Variants in PRICKLE1 observed in about 807,000 individuals in gnomAD.
The protein encoded by PRICKLE1 is prickle-like protein 1.
In PRICKLE1, 14 loss-of-function variants were observed where a neutral mutation model predicts 70.2. That is an observed-to-expected ratio of 0.20 (90% CI 0.13 to 0.31). The LOEUF (loss-of-function observed/expected upper bound fraction) is 0.31, where lower values mean the gene tolerates loss of function less well. Among genes scored for constraint, PRICKLE1 ranks in the 10% least tolerant of loss-of-function variants. The pLI, the probability that PRICKLE1 is intolerant of heterozygous loss-of-function variation, is 1.00. For synonymous variants in PRICKLE1, 357 were observed against 379.9 expected (o/e 0.94, Z 0.70); for missense variants, 821 against 1,026.2 (o/e 0.80, Z 2.73).
chr12:42,495,691 T>C (rs111415047), intron 1 of PRICKLE1, among the ~76,000 whole-genome samples: 8,081 of 151,902 alleles, frequency 0.053, 621 homozygotes, highest in African/African-American at 0.17. Flanking sequence ...CGGGTTCAAG[T>C]GATTATCCTG....
intron 1 of PRICKLE1, among the ~76,000 whole-genome samples, chr12:42,528,261 A>G (rs1176483773): frequency 1.3e-5 from 2 of 151,966 alleles, no homozygotes; most frequent in African/African-American, 2.4e-5. Flanking sequence ...TTTTGTAGAC[A>G]TGAGGTTTCA....
Position 42,459,094 on chromosome 12 carries a change from C to A in PRICKLE1, c.*715G>T, listed in dbSNP as rs147942021. The A allele has an allele frequency of 3.4e-4, 153 of 446,472 alleles. No individual in the cohort carries two copies. The highest frequency in any genetic ancestry group is 3.0e-3 in the African/African-American group (152 of 51,196). The allele number at this position is 446,472 out of a possible 1,614,324, so 27.7% of individuals were successfully genotyped here. On this transcript the variant is annotated 3_prime_UTR_variant, in exon 8 of 8. Coordinates refer to ENST00000345127, the MANE Select transcript of PRICKLE1 (RefSeq NM_153026.3). ...TCATCCATAAATTCTGGTTCCCTGGCAAATCTAGCACTGCAGCGTAACAAA... is the reference window on the plus strand; with the variant it reads ...TCATCCATAAATTCTGGTTCCCTGGAAAATCTAGCACTGCAGCGTAACAAA...
At chr12:42,499,748 G>T (rs1939273301) in intron 1 of PRICKLE1, among the ~76,000 whole-genome samples, 1 of 125,874 alleles carries the variant, frequency 7.9e-6, no homozygotes, top group Non-Finnish European at 1.6e-5. Flanking sequence ...ATTTATTTGA[G>T]ACAGAGTCTT....
intron 1 of PRICKLE1, among the ~76,000 whole-genome samples, chr12:42,564,113 G>C (rs1368674360): frequency 6.6e-6 from 1 of 151,640 alleles, no homozygotes; most frequent in Non-Finnish European, 1.5e-5. Context: ...AAAAAAATTA[G>C]CTGGTGTGGT....
chr12:42,574,009 G>A (rs1940764549), intron 1 of PRICKLE1, among the ~76,000 whole-genome samples: 1 of 152,108 alleles, frequency 6.6e-6, no homozygotes, highest in Non-Finnish European at 1.5e-5. Context: ...TTTTCAAGCT[G>A]TGTTCAAGGA....
intron 1 of PRICKLE1, among the ~76,000 whole-genome samples, chr12:42,495,166 C>T (rs1361324441): frequency 2.6e-5 from 4 of 151,476 alleles, no homozygotes; most frequent in East Asian, 3.9e-4. Context: ...TTCAAGAGTT[C>T]GAGAGCAGCC....
intron 1 of PRICKLE1, among the ~76,000 whole-genome samples, chr12:42,519,794 C>T (rs1180592138): frequency 6.6e-6 from 1 of 152,072 alleles, no homozygotes; most frequent in African/African-American, 2.4e-5. Flanking sequence ...AGAAATCTGA[C>T]CTGTGACTTT....
rs961927888 is a variant in PRICKLE1, at chr12:42,464,322, G to C, written c.1639+73C>G. The C allele has an allele frequency of 1.3e-6, 2 of 1,594,302 alleles. No homozygotes were observed. The highest frequency in any genetic ancestry group is 2.7e-5 in the African/African-American group (2 of 74,678). ...AGGCATGAGCCACTGCGCCTGGCTT[G>C]AATTGCAATTTTTTGAATACACTTT... On this transcript the variant is annotated intron_variant, in intron 7 of 7. Coordinates refer to ENST00000345127, the MANE Select transcript of PRICKLE1 (RefSeq NM_153026.3). This position sits in a 1 kb window ranked among gnomAD's most constrained non-coding sequence, Gnocchi z 4.2.
At chr12:42,555,327 C>A (rs1005018616) in intron 1 of PRICKLE1, among the ~76,000 whole-genome samples, 1 of 152,158 alleles carries the variant, frequency 6.6e-6, no homozygotes, top group Admixed American at 6.6e-5. Flanking sequence ...AAGCAAAAAG[C>A]AGTAATTTCT....
chr12:42,459,725 TCA>T lies in PRICKLE1; in HGVS notation c.*82_*83del, dbSNP rs1303609841. ...GCAAAGAAAGCACTTTAAACTATTT[TCA>T]CAACTTTCCTACGGAAGAAAAGGAA... On this transcript the variant is annotated 3_prime_UTR_variant, in exon 8 of 8. Transcript: ENST00000345127. 3.9e-6 allele frequency: 6 copies of T among 1,543,090 alleles called. No homozygotes were observed. In the East Asian group the frequency reaches 1.3e-4, roughly 35 times the overall value.
intron 1 of PRICKLE1, among the ~76,000 whole-genome samples, chr12:42,556,989 C>A (rs1940423415): frequency 6.6e-6 from 1 of 151,076 alleles, no homozygotes; most frequent in African/African-American, 2.4e-5. Flanking sequence ...AACAAAATTT[C>A]TGTTTTTTTT....
In PRICKLE1 at chr12:42,464,107, C is replaced by T. The variant is rs554511818; in HGVS notation, c.1639+288G>A. The stretch of plus-strand genomic sequence containing the variant: ...GCAGTGGCGCAATCTTGGCTCACTA[C>T]AACCTCTGCCTCCTGGGTTCAAGCA... On this transcript the variant is annotated intron_variant, in intron 7 of 7. Transcript: ENST00000345127. This position sits in a 1 kb window ranked among gnomAD's most constrained non-coding sequence, Gnocchi z 4.2. Among the ~76,000 whole-genome samples the T allele has an allele frequency of 2.6e-5, 4 of 151,982 alleles. No individual in the cohort carries two copies. Among genetic ancestry groups the T allele is most frequent in the Non-Finnish European group, 4.4e-5 (3 of 68,012 alleles).
chr12:42,475,510 AG>A (rs1224065761), intron 1 of PRICKLE1, among the ~76,000 whole-genome samples: 2 of 151,812 alleles, frequency 1.3e-5, no homozygotes, highest in Admixed American at 6.6e-5. Flanking sequence ...CACTGCCTCC[AG>A]GGGGGGAGTG....
chr12:42,552,689 T>C (rs994267844), intron 1 of PRICKLE1, among the ~76,000 whole-genome samples: 1 of 152,190 alleles, frequency 6.6e-6, no homozygotes, highest in Non-Finnish European at 1.5e-5. Flanking sequence ...TGAGTAGTAG[T>C]AGCAAGCAGC....
chr12:42,512,122 CAA>C lies in PRICKLE1; in HGVS notation c.-48-39560_-48-39559del, dbSNP rs34323382. 1.5e-4 allele frequency among the ~76,000 whole-genome samples: 23 copies of C among 150,286 alleles called. 1 individual carries two copies. The East Asian group carries it at 1.6e-3, about 10-fold the overall frequency. ...AATGCCCCAAAGGATGGTCCCATTACAAAAAAAAAAGATAGGGTTCAGACAAA... is the reference window on the plus strand; with the variant it reads ...AATGCCCCAAAGGATGGTCCCATTACAAAAAAAAGATAGGGTTCAGACAAA... On this transcript the variant is annotated intron_variant, in intron 1 of 7. Transcript: ENST00000345127.
At chr12:42,479,464 G>T (rs1287775087) in intron 1 of PRICKLE1, among the ~76,000 whole-genome samples, 1 of 152,232 alleles carries the variant, frequency 6.6e-6, no homozygotes, top group Non-Finnish European at 1.5e-5. Context: ...TCTAGGTAAA[G>T]CTTGTTCCCC....
intron 1 of PRICKLE1, among the ~76,000 whole-genome samples, chr12:42,536,810 G>C (rs1337329363): frequency 2.0e-5 from 3 of 152,056 alleles, no homozygotes. Context: ...CTTTCATCTT[G>C]AAGAGCTTTT....
chr12:42,522,390 T>C (rs922766342), intron 1 of PRICKLE1, among the ~76,000 whole-genome samples: 4 of 152,200 alleles, frequency 2.6e-5, no homozygotes, highest in African/African-American at 9.6e-5. Context: ...GCACACATCA[T>C]GCTTGTCTGA....
chr12:42,508,197 T>A (rs1254183631), intron 1 of PRICKLE1, among the ~76,000 whole-genome samples: 8 of 152,014 alleles, frequency 5.3e-5, no homozygotes, highest in African/African-American at 1.2e-4. Flanking sequence ...GGGGGTGAAA[T>A]GTTGGCCTTA....
Sources: allele counts gnomAD v4.1 joint callset (sites outside exome capture counted in the v4.1 genomes callset), GRCh38; gene constraint gnomAD v4.1.1; non-coding constraint Gnocchi (gnomAD v3.1); transcripts MANE v1.5; gene names NCBI Gene and HGNC (gene_info 2026-07-23, HGNC 2026-07-21).